Variants in GAB3 observed in about 807,000 individuals in gnomAD.
GAB3 encodes the protein GRB2-associated-binding protein 3.
In GAB3, 12 loss-of-function variants were observed where a neutral mutation model predicts 40.4. The observed-to-expected ratio is 0.30, with a 90% CI of 0.19 to 0.48. GAB3 has a LOEUF of 0.48. GAB3 is among the 20% of genes least tolerant of loss of function. GAB3 has a pLI of 0.99. For synonymous variants in GAB3, 154 were observed against 176.7 expected, an observed-to-expected ratio of 0.87 and a Z score of 1.02; for missense variants, 381 against 461.9, an observed-to-expected ratio of 0.82 and a Z score of 1.61.
chrX:154,678,066 G>C lies in GAB3; in HGVS notation c.*112C>G. On this transcript the variant is annotated 3_prime_UTR_variant, in exon 10 of 10. Transcript: ENST00000424127. ...AAACTACACATTCTCTCTTGGTTTTGACCTGTGTTGACCATCAGTGTGTTT... is the reference window on the plus strand; with the variant it reads ...AAACTACACATTCTCTCTTGGTTTTCACCTGTGTTGACCATCAGTGTGTTT... The C allele has an allele frequency of 2.2e-6, 1 of 449,845 alleles. No homozygotes were observed. Among genetic ancestry groups the C allele is most frequent in the Non-Finnish European group, 3.9e-6 (1 of 259,308 alleles). The allele number at this position is 449,845 out of a possible 1,213,427, so 37.1% of individuals were successfully genotyped here.
intron 1 of GAB3, among the ~76,000 whole-genome samples, chrX:154,749,053 A>C (rs2071570755): frequency 8.9e-6 from 1 of 111,887 alleles, no homozygotes; most frequent in Non-Finnish European, 1.9e-5. Flanking sequence ...CCCAAACATC[A>C]AGGTTTATGT....
chrX:154,722,931 G>T (rs111744947), intron 1 of GAB3, among the ~76,000 whole-genome samples: 1 of 110,984 alleles, frequency 9.0e-6, no homozygotes, highest in Non-Finnish European at 1.9e-5. Context: ...CAGGCTGGAG[G>T]GCAGTGGTGT....
intron 8 of GAB3, among the ~76,000 whole-genome samples, chrX:154,693,504 C>T (rs2070604034): frequency 9.0e-6 from 1 of 111,364 alleles, no homozygotes. Context: ...TAAAAGGTAC[C>T]GTATGATTCT....
At chrX:154,681,572 A>T (rs1465645733) in intron 8 of GAB3, among the ~76,000 whole-genome samples, 1 of 110,290 alleles carries the variant, frequency 9.1e-6, no homozygotes, top group East Asian at 2.8e-4. Context: ...AGCTCATCAC[A>T]GTCTAGCTTC....
At chrX:154,688,666 A>G (rs2070498077) in intron 8 of GAB3, among the ~76,000 whole-genome samples, 1 of 111,928 alleles carries the variant, frequency 8.9e-6, no homozygotes, top group Non-Finnish European at 1.9e-5. Context: ...AAATTGGCAA[A>G]AAGATTGAAC....
At chrX:154,711,312 G>C (rs1557255926) in intron 4 of GAB3, among the ~76,000 whole-genome samples, 1 of 111,933 alleles carries the variant, frequency 8.9e-6, no homozygotes, top group Non-Finnish European at 1.9e-5. Flanking sequence ...CTGTGTATCT[G>C]AGAGATACAG....
intron 1 of GAB3, among the ~76,000 whole-genome samples, chrX:154,742,865 T>A (rs2071463312): frequency 9.1e-6 from 1 of 109,619 alleles, no homozygotes; most frequent in Non-Finnish European, 1.9e-5. Flanking sequence ...GCTAAGGGAA[T>A]TTTTTGTGGG....
chrX:154,715,945 G>T, intron 2 of GAB3, 81 bp downstream of exon 2: 1 of 941,625 alleles, frequency 1.1e-6, no homozygotes, highest in Non-Finnish European at 1.5e-6. Flanking sequence ...GGCAGGCTTG[G>T]CATCTTGAAC....
chrX:154,720,553 G>C (rs1476291716), intron 1 of GAB3, among the ~76,000 whole-genome samples: 3 of 106,890 alleles, frequency 2.8e-5, no homozygotes, highest in South Asian at 8.4e-4. Flanking sequence ...GTGAACCCCG[G>C]GGGGCGGAGC....
chrX:154,732,828 C>T (rs1412344658), intron 1 of GAB3, among the ~76,000 whole-genome samples: 1 of 110,931 alleles, frequency 9.0e-6, no homozygotes, highest in Non-Finnish European at 1.9e-5. Context: ...CCAAAACCAC[C>T]TCCGAGCCCC....
At chrX:154,727,159 C>T (rs2071224431) in intron 1 of GAB3, among the ~76,000 whole-genome samples, 2 of 112,474 alleles carry the variant, frequency 1.8e-5, no homozygotes, top group Admixed American at 1.9e-4. Context: ...CTCTGCCTGT[C>T]TCTCCCACTT....
intron 1 of GAB3, among the ~76,000 whole-genome samples, chrX:154,726,950 T>C (rs1227217548): frequency 5.4e-5 from 6 of 111,872 alleles, no homozygotes; most frequent in South Asian, 3.7e-4. Flanking sequence ...ACCTGAGTAA[T>C]TGAAATAGCC....
intron 4 of GAB3, among the ~76,000 whole-genome samples, chrX:154,708,239 G>T (rs1018586390): frequency 8.9e-6 from 1 of 112,153 alleles, no homozygotes; most frequent in Admixed American, 9.5e-5. Flanking sequence ...ATGGATTATA[G>T]ACTTCAATCT....
chrX:154,730,383 A>T (rs2071274623), intron 1 of GAB3, among the ~76,000 whole-genome samples: 2 of 111,899 alleles, frequency 1.8e-5, no homozygotes, highest in African/African-American at 6.5e-5. Context: ...GTTACTGTTT[A>T]GAAAACCTAA....
At chrX:154,713,171 G>A (rs782615828) in intron 3 of GAB3, 36 bp downstream of exon 3, 1 of 1,107,913 alleles carries the variant, frequency 9.0e-7, no homozygotes, top group Non-Finnish European at 1.2e-6. Context: ...CATGCTAGCA[G>A]GCCCAGCTCA....
At chrX:154,709,448 G>A (rs782326922) in intron 4 of GAB3, among the ~76,000 whole-genome samples, 2 of 108,355 alleles carry the variant, frequency 1.8e-5, no homozygotes, top group Non-Finnish European at 3.8e-5. Context: ...AGCCTCCCGA[G>A]TAGCTGGGAC....
chrX:154,731,970 C>T (rs1287685143), intron 1 of GAB3, among the ~76,000 whole-genome samples: 2 of 111,945 alleles, frequency 1.8e-5, no homozygotes, highest in East Asian at 2.8e-4. Flanking sequence ...CGGGCAAGAG[C>T]GAATATGTAG....
intron 1 of GAB3, among the ~76,000 whole-genome samples, chrX:154,721,964 G>T (rs2071139206): frequency 8.9e-6 from 1 of 111,861 alleles, no homozygotes; most frequent in Non-Finnish European, 1.9e-5. Flanking sequence ...CTCTCATAAA[G>T]ATATCTGCAC....
intron 1 of GAB3, among the ~76,000 whole-genome samples, chrX:154,726,776 T>C (rs1557259405): frequency 2.7e-5 from 3 of 111,689 alleles, no homozygotes; most frequent in Non-Finnish European, 5.6e-5. Flanking sequence ...CCTTCCATTC[T>C]GTAAATACAA....
Sources: gnomAD v4.1 joint callset for allele counts (sites outside exome capture counted in the v4.1 genomes callset) on GRCh38, gnomAD v4.1.1 for gene constraint, MANE v1.5 for transcripts, NCBI Gene and HGNC (gene_info 2026-07-23, HGNC 2026-07-21) for gene names.